The following KCNMB1 variants were observed in gnomAD, a reference collection of about 807,000 sequenced individuals.
KCNMB1 encodes the protein calcium-activated potassium channel subunit beta-1.
KCNMB1 carries 22 observed loss-of-function variants against 21.7 expected under a neutral mutation model. That is an observed-to-expected ratio of 1.01 (90% CI 0.72 to 1.45). The LOEUF (loss-of-function observed/expected upper bound fraction) is 1.45. KCNMB1 is among the 40% of genes most tolerant of loss of function. The pLI is 0.00. For missense variants in KCNMB1, 243 were observed against 243.4 expected (o/e 1.00, Z 0.01); for synonymous variants, 114 against 107.6 (o/e 1.06, Z -0.37).
Position 170,378,583 on chromosome 5 carries a change from G to T in KCNMB1, c.*121C>A. The T allele has an allele frequency of 9.7e-7, 1 of 1,030,856 alleles. No homozygotes were observed. Among genetic ancestry groups the T allele is most frequent in the Non-Finnish European group, 1.4e-6 (1 of 700,568 alleles). The allele number at this position is 1,030,856 out of a possible 1,614,324, so 63.9% of individuals were successfully genotyped here. ...TAGTCCTGCAACAGAAGACAGCGTG[G>T]ATTGGACTGGAAGAGTGGGAGGGCA... On this transcript the variant is annotated 3_prime_UTR_variant, in exon 4 of 4. Coordinates refer to ENST00000274629, the MANE Select transcript of KCNMB1 (RefSeq NM_004137.4).
At chr5:170,388,527 A>G (rs1286775372) in intron 1 of KCNMB1, among the ~76,000 whole-genome samples, 1 of 152,258 alleles carries the variant, frequency 6.6e-6, no homozygotes, top group East Asian at 1.9e-4. Flanking sequence ...CCATTTAGAA[A>G]GGTCACTTGA....
At chr5:170,384,263 G>A (rs933481024) in intron 2 of KCNMB1, among the ~76,000 whole-genome samples, 17 of 152,154 alleles carry the variant, frequency 1.1e-4, no homozygotes, top group Non-Finnish European at 2.4e-4. Flanking sequence ...TATCCATATC[G>A]TCTTCATTTT....
At chr5:170,379,499 G>A (rs1581127722) in intron 3 of KCNMB1, among the ~76,000 whole-genome samples, 1 of 152,158 alleles carries the variant, frequency 6.6e-6, no homozygotes, top group Admixed American at 6.5e-5. Context: ...GATGACAGGT[G>A]CCCACTGACT....
At position 170,383,685 on chromosome 5, in the gene KCNMB1, G is replaced by A; in HGVS notation, c.300C>T (p.Asn100=). ...CATCCCTCCAGTTCAGTACCTGCTGGTTCTGGTCCCGAGTGTCCTCCGTGT... is the reference window on the plus strand; with the variant it reads ...CATCCCTCCAGTTCAGTACCTGCTGATTCTGGTCCCGAGTGTCCTCCGTGT... ...LYHTEDTRDQ[N]QQCSYIPGSV... The change falls in exon 3 of 4, where the codon AAC becomes AAT. Residue 100 remains asparagine (N), a synonymous_variant. Transcript: ENST00000274629. 6.2e-7 allele frequency: 1 copy of A among 1,614,150 alleles called. No homozygotes were observed. The highest frequency in any genetic ancestry group is 8.5e-7 in the Non-Finnish European group (1 of 1,180,022).
intron 2 of KCNMB1, 21 bp from the exon 3 acceptor site, chr5:170,383,871 C>T (rs750612592): frequency 9.9e-5 from 159 of 1,611,828 alleles, no homozygotes; most frequent in Middle Eastern, 3.3e-4. Context: ...CACACACATG[C>T]ACACATACAC....
chr5:170,379,443 G>A (rs925074342), intron 3 of KCNMB1, among the ~76,000 whole-genome samples: 1 of 152,198 alleles, frequency 6.6e-6, no homozygotes, highest in East Asian at 1.9e-4. Context: ...ATTGCCTACA[G>A]GGCTCATGAA....
rs1444900226 is a variant in KCNMB1 at position 170,377,598 on chromosome 5, G to A, written c.*1106C>T. The A allele has an allele frequency of 6.6e-6, 1 of 151,482 alleles. No individual in the cohort carries two copies. The highest frequency in any genetic ancestry group is 1.9e-4 in the East Asian group (1 of 5,180). 9.4% of individuals were successfully genotyped at this position (151,482 alleles called of 1,614,324 possible). A position where few individuals can be genotyped will look rare whatever the true frequency, so the allele number is the denominator to read the frequency against. On this transcript the variant is annotated 3_prime_UTR_variant, in exon 4 of 4. Transcript: ENST00000274629. ...TGTTTTTTGTTTTTTTTTTGAGACG[G>A]AGTCTTGTTCTATCACCAGGCTGGA...
chr5:170,385,394 G>A lies in KCNMB1; in HGVS notation c.54C>T (p.Cys18=), dbSNP rs45574034. The A allele has an allele frequency of 9.6e-3, 15,478 of 1,614,034 alleles. 71 individuals are homozygous for A. Among genetic ancestry groups the A allele is most frequent in the Non-Finnish European group, 0.012 (13,948 of 1,179,982 alleles). The change falls in exon 2 of 4, where the codon TGC becomes TGT. Residue 18 remains cysteine, a synonymous_variant. Coordinates refer to ENST00000274629, the MANE Select transcript of KCNMB1 (RefSeq NM_004137.4). ...AQKRGETRAL[C]LGVTMVVCAV... ...CACACACCACCATGGTTACACCCAG[G>A]CAAAGGGCTCGTGTCTCTCCCCGCT...
At chr5:170,384,490 G>A (rs546301663) in intron 2 of KCNMB1, among the ~76,000 whole-genome samples, 45 of 152,332 alleles carry the variant, frequency 3.0e-4, no homozygotes, top group African/African-American at 1.1e-3. Flanking sequence ...TCGCTTCAGC[G>A]TTGTGAAGAG....
At chr5:170,385,765 G>A in intron 1 of KCNMB1, among the ~76,000 whole-genome samples, 2 of 151,934 alleles carry the variant, frequency 1.3e-5, no homozygotes, top group Non-Finnish European at 2.9e-5. Context: ...CTATGTTCTA[G>A]TCTCTGGAAG....
Position 170,378,717 on chromosome 5 carries a change from G to T in KCNMB1, c.563C>A (p.Ala188Glu). Residue 188 changes from alanine to glutamate, a missense_variant, in exon 4 of 4, where the codon GCG becomes GAG. By Grantham distance (107) the Ala-to-Glu change is moderately radical (BLOSUM62 -1). Coordinates refer to ENST00000274629, the MANE Select transcript of KCNMB1 (RefSeq NM_004137.4). ...GGATGGATGGCTCTACTTCTGGGCC[G>T]CCAGGATGGACAGGTACTGGTTGCT... ...VKSNQYLSIL[A>E]AQK 6.2e-7 allele frequency: 1 copy of T among 1,611,252 alleles called. No homozygotes were observed. Among genetic ancestry groups the T allele is most frequent in the Non-Finnish European group, 8.5e-7 (1 of 1,178,636 alleles).
In KCNMB1 at chr5:170,387,734, T is replaced by C. The variant is rs116731473; in HGVS notation, c.-25+1525A>G. On this transcript the variant is annotated intron_variant, in intron 1 of 3. Coordinates refer to ENST00000274629, the MANE Select transcript of KCNMB1 (RefSeq NM_004137.4). ...GGGAATGGGAGAGCCCATGCCTTTT[T>C]CTACCTGGCGTCAGTTGAACAAGAC... 2.1e-3 allele frequency among the ~76,000 whole-genome samples: 326 copies of C among 152,354 alleles called. 2 individuals carry two copies. Among genetic ancestry groups the C allele is most frequent in the African/African-American group, 7.5e-3 (310 of 41,586 alleles).
At chr5:170,386,102 G>A (rs1460907933) in intron 1 of KCNMB1, among the ~76,000 whole-genome samples, 1 of 148,922 alleles carries the variant, frequency 6.7e-6, no homozygotes, top group East Asian at 2.0e-4. Flanking sequence ...TCCAGCCTGG[G>A]CAACAAAGCA....
chr5:170,381,421 T>C (rs1302774219), intron 3 of KCNMB1, among the ~76,000 whole-genome samples: 1 of 152,176 alleles, frequency 6.6e-6, no homozygotes, highest in African/African-American at 2.4e-5. Flanking sequence ...CCTTCAGAGT[T>C]GGAGGGTGGG....
At chr5:170,385,233 G>T in intron 2 of KCNMB1, 81 bp downstream of exon 2, 1 of 1,469,224 alleles carries the variant, frequency 6.8e-7, no homozygotes, top group Non-Finnish European at 9.5e-7. Context: ...GGAGAGGGGT[G>T]AGTAGAAGGC....
intron 3 of KCNMB1, among the ~76,000 whole-genome samples, chr5:170,382,458 C>T (rs886532500): frequency 1.3e-5 from 2 of 152,084 alleles, no homozygotes; most frequent in African/African-American, 4.8e-5. Context: ...CCTTAGTCTG[C>T]CCTGACAGCC....
rs770320834 is a variant in KCNMB1, at chr5:170,383,682, C to G, written c.303G>C (p.Gln101His). Reference sequence around the variant, plus strand: ...CCCCATCCCTCCAGTTCAGTACCTGCTGGTTCTGGTCCCGAGTGTCCTCCG... The same window carrying G: ...CCCCATCCCTCCAGTTCAGTACCTGGTGGTTCTGGTCCCGAGTGTCCTCCG... ...YHTEDTRDQN[Q>H]QCSYIPGSVD... Residue 101 changes from glutamine to histidine, a missense_variant, in exon 3 of 4, where the codon CAG becomes CAC. Gln to His is a conservative substitution (Grantham distance 24). Transcript: ENST00000274629. 6 of 1,614,046 alleles carry G rather than the reference C, an allele frequency of 3.7e-6. No individual in the cohort carries two copies. Among genetic ancestry groups the G allele is most frequent in the Non-Finnish European group, 5.1e-6 (6 of 1,180,038 alleles).
At chr5:170,380,865 TA>T (rs2113333314) in intron 3 of KCNMB1, among the ~76,000 whole-genome samples, 1 of 152,280 alleles carries the variant, frequency 6.6e-6, no homozygotes, top group East Asian at 1.9e-4. Context: ...CTGGGCCTTG[TA>T]AAATGGGTTT....
At chr5:170,380,593 CCCCAGCCAGCCAGGGAGTAG>C (rs761280514) in intron 3 of KCNMB1, among the ~76,000 whole-genome samples, 1 of 152,222 alleles carries the variant, frequency 6.6e-6, no homozygotes. Context: ...AGATCTAGGG[CCCCAGCCAGCCAGGGAGTAG>C]CTGAGGCTGG....
Sources: allele counts gnomAD v4.1 joint callset (sites outside exome capture counted in the v4.1 genomes callset), GRCh38; gene constraint gnomAD v4.1.1; transcripts MANE v1.5; gene names NCBI Gene and HGNC (gene_info 2026-07-23, HGNC 2026-07-21).